Variants in CPEB3 observed in about 807,000 individuals in gnomAD.
CPEB3 encodes the protein cytoplasmic polyadenylation element binding protein 3.
CPEB3 carries 20 observed loss-of-function variants against 67.2 expected under a neutral mutation model. That is an observed-to-expected ratio of 0.30 (90% CI 0.21 to 0.43). The LOEUF is 0.43. Among genes scored for constraint, CPEB3 ranks in the 20% least tolerant of loss-of-function variants. The pLI is 1.00. For synonymous variants in CPEB3, 376 were observed against 393.1 expected, an observed-to-expected ratio of 0.96 and a Z score of 0.51; for missense variants, 746 against 968.6, an observed-to-expected ratio of 0.77 and a Z score of 3.05.
At chr10:92,216,396 G>A (rs980254361) in intron 2 of CPEB3, 14 of 1,611,064 alleles carry the variant, frequency 8.7e-6, no homozygotes, top group African/African-American at 1.3e-5. Flanking sequence ...TCCGGGGAGC[G>A]CACCTACCAG....
Position 92,052,305 on chromosome 10 carries a change from C to T in CPEB3, c.2004G>A (p.Ala668=), listed in dbSNP as rs182788610. The stretch of plus-strand genomic sequence containing the variant: ...CCCGCCCGGCTCGGGAATGTATGCT[C>T]GCCCAGCAGTATTCACAGTAATACT... ...CLQYYCEYCW[A]SIHSRAGREF... The change falls in exon 10 of 10, where the codon GCG becomes GCA. Residue 668 remains alanine (A), a synonymous_variant. Transcript: ENST00000265997. The T allele has an allele frequency of 5.0e-5, 80 of 1,614,190 alleles. No individual in the cohort carries two copies. The highest frequency in any genetic ancestry group is 1.6e-4 in the Middle Eastern group (1 of 6,062).
At chr10:92,060,172 C>T (rs1030649480) in intron 9 of CPEB3, among the ~76,000 whole-genome samples, 1 of 151,824 alleles carries the variant, frequency 6.6e-6, no homozygotes, top group African/African-American at 2.4e-5. Context: ...GCCTGGTCAA[C>T]ATGGTGAAAC....
At chr10:92,102,306 TC>T (rs1231630660) in intron 7 of CPEB3, among the ~76,000 whole-genome samples, 7 of 152,094 alleles carry the variant, frequency 4.6e-5, no homozygotes, top group Non-Finnish European at 8.8e-5. Context: ...TTCAGACTAT[TC>T]CTCCCATTCC....
chr10:92,071,650 G>A (rs112025272), intron 9 of CPEB3, among the ~76,000 whole-genome samples: 138 of 151,582 alleles, frequency 9.1e-4, no homozygotes, highest in African/African-American at 2.9e-3. Context: ...CAAGAGAATC[G>A]CTTGAACCCA....
At chr10:92,281,055 C>T (rs1041315648) in intron 1 of CPEB3, among the ~76,000 whole-genome samples, 113 of 151,758 alleles carry the variant, frequency 7.4e-4, no homozygotes, top group African/African-American at 2.5e-3. Flanking sequence ...CCACCACGCC[C>T]GGCGATGGTG....
At chr10:92,250,047 A>G (rs931392186) in intron 1 of CPEB3, among the ~76,000 whole-genome samples, 3 of 150,374 alleles carry the variant, frequency 2.0e-5, no homozygotes, top group African/African-American at 7.3e-5. Context: ...TATGTTATAT[A>G]GCTATACAAT....
At chr10:92,149,697 A>C (rs1846866827) in intron 4 of CPEB3, among the ~76,000 whole-genome samples, 1 of 152,198 alleles carries the variant, frequency 6.6e-6, no homozygotes, top group South Asian at 2.1e-4. Flanking sequence ...TTGGCCTTGG[A>C]AATGAAACTG....
At chr10:92,275,776 T>A (rs1255336006) in intron 1 of CPEB3, among the ~76,000 whole-genome samples, 1 of 151,850 alleles carries the variant, frequency 6.6e-6, no homozygotes, top group Non-Finnish European at 1.5e-5. Flanking sequence ...TGTGACCAGC[T>A]CCTGTCACAT....
intron 1 of CPEB3, among the ~76,000 whole-genome samples, chr10:92,276,550 A>G (rs888115318): frequency 2.6e-5 from 4 of 152,202 alleles, no homozygotes; most frequent in Admixed American, 2.6e-4. Context: ...AAGTGCTGGA[A>G]TTACAGGCGT....
At chr10:92,065,758 A>G (rs1189873192) in intron 9 of CPEB3, among the ~76,000 whole-genome samples, 1 of 152,170 alleles carries the variant, frequency 6.6e-6, no homozygotes, top group African/African-American at 2.4e-5. Context: ...AATCAGTTCA[A>G]GTCATAATTT....
At chr10:92,253,354 G>A (rs1852378321) in intron 1 of CPEB3, among the ~76,000 whole-genome samples, 1 of 149,974 alleles carries the variant, frequency 6.7e-6, no homozygotes, top group Non-Finnish European at 1.5e-5. Flanking sequence ...CAGCTACTCG[G>A]GAGGCTGAGG....
chr10:92,146,659 T>TCACTG (rs2133855488), intron 4 of CPEB3, among the ~76,000 whole-genome samples: 2 of 152,302 alleles, frequency 1.3e-5, no homozygotes, highest in South Asian at 4.1e-4. Context: ...AAAGACACTG[T>TCACTG]TTTAATGCTA....
At chr10:92,254,092 G>A (rs1367258366) in intron 1 of CPEB3, among the ~76,000 whole-genome samples, 5 of 152,038 alleles carry the variant, frequency 3.3e-5, no homozygotes, top group African/African-American at 1.2e-4. Flanking sequence ...AGCTGAGCAT[G>A]GTGATGTGCA....
chr10:92,084,121 C>T (rs927303974), intron 8 of CPEB3, among the ~76,000 whole-genome samples: 4 of 148,868 alleles, frequency 2.7e-5, no homozygotes, highest in South Asian at 2.1e-4. Context: ...GCCGAGATCA[C>T]GCCACTGCAC....
chr10:92,241,192 T>C (rs1182346940), intron 1 of CPEB3, among the ~76,000 whole-genome samples: 4 of 152,174 alleles, frequency 2.6e-5, no homozygotes, highest in African/African-American at 9.7e-5. Context: ...ACAAGAGATT[T>C]CTTGGCATCG....
intron 2 of CPEB3, among the ~76,000 whole-genome samples, chr10:92,197,609 T>A (rs79980186): frequency 0.015 from 2,220 of 152,300 alleles, 56 homozygotes; most frequent in African/African-American, 0.05. Context: ...ACTCTTTTTC[T>A]TTGAAGATAA....
At chr10:92,191,465 T>C (rs752875366) in intron 3 of CPEB3, among the ~76,000 whole-genome samples, 1 of 152,152 alleles carries the variant, frequency 6.6e-6, no homozygotes, top group African/African-American at 2.4e-5. Context: ...TTATAACCTA[T>C]TGACTACTTT....
At chr10:92,120,764 G>C (rs1192406792) in intron 6 of CPEB3, among the ~76,000 whole-genome samples, 5 of 151,702 alleles carry the variant, frequency 3.3e-5, no homozygotes, top group African/African-American at 1.2e-4. Context: ...GCAGTGGCAT[G>C]ATCTCGGCTC....
chr10:92,203,337 G>GAT lies in CPEB3; in HGVS notation c.1006-10703_1006-10702dup, dbSNP rs10534634. On this transcript the variant is annotated intron_variant, in intron 2 of 9. Coordinates refer to ENST00000265997, the MANE Select transcript of CPEB3 (RefSeq NM_014912.5). ...ACTTTAGGTACAAGACATAAGAGAT[G>GAT]ATATATATATATATATATGTATATA... 5.2e-3 allele frequency among the ~76,000 whole-genome samples: 731 copies of GAT among 141,178 alleles called. 2 individuals are homozygous for GAT. Among genetic ancestry groups the GAT allele is most frequent in the East Asian group, 0.011 (55 of 4,926 alleles). The allele number at this position is 141,178 out of a possible 152,430, so 92.6% of individuals were successfully genotyped here.
Sources: gnomAD v4.1 joint callset for allele counts (sites outside exome capture counted in the v4.1 genomes callset) on GRCh38, gnomAD v4.1.1 for gene constraint, MANE v1.5 for transcripts, NCBI Gene and HGNC (gene_info 2026-07-23, HGNC 2026-07-21) for gene names.